ST3GAL5: variants seen among roughly 807,000 people sequenced by gnomAD.
ST3GAL5 encodes ST3 beta-galactoside alpha-2,3-sialyltransferase 5, also known as lactosylceramide alpha-2,3-sialyltransferase.
Under a neutral mutation model 46.1 loss-of-function variants are expected in ST3GAL5, and 25 were observed. That is an observed-to-expected ratio of 0.54 (90% confidence interval 0.40 to 0.76). The LOEUF (loss-of-function observed/expected upper bound fraction) is 0.76, where lower values mean the gene tolerates loss of function less well. Ranked by LOEUF, ST3GAL5 falls within the 30% of genes least tolerant of loss-of-function variation. The pLI, the probability that ST3GAL5 is intolerant of heterozygous loss-of-function variation, is 0.00. For missense variants in ST3GAL5, 431 were observed against 521.2 expected, an observed-to-expected ratio of 0.83 and a Z score of 1.69; for synonymous variants, 182 against 192.7, an observed-to-expected ratio of 0.94 and a Z score of 0.46.
rs147863107 is a variant in ST3GAL5 at position 85,869,152 on chromosome 2, C to T, written c.83-5667G>A. Among the ~76,000 whole-genome samples, 25 of 152,282 alleles carry T rather than the reference C, an allele frequency of 1.6e-4. No individual in the cohort carries two copies. In the East Asian group the frequency reaches 4.3e-3, roughly 26 times the overall value. On this transcript the variant is annotated intron_variant, in intron 1 of 6. Transcript: ENST00000638572. ...GCACCTTCAAACTCCTGGGCTCAAGCGATACTCCCACTTTGGTCTTCTCAG... is the reference window on the plus strand; with the variant it reads ...GCACCTTCAAACTCCTGGGCTCAAGTGATACTCCCACTTTGGTCTTCTCAG...
Position 85,888,839 on chromosome 2 carries a change from C to T in ST3GAL5, c.67G>A (p.Ala23Thr). The part of the protein sequence containing the change: ...PLQPRTEAAA[A>T]PAGRAMPSEY... ...CGCCACGTACCTCGGCCGGCAGGTG[C>T]CGCCGCTGCCTCGGTCCGCGGCTGC... Residue 23 changes from alanine to threonine, a missense_variant, in exon 1 of 7, where the codon GCA (alanine) becomes ACA (threonine). By Grantham distance (58) the Ala-to-Thr change is moderately conservative (BLOSUM62 0). Transcript: ENST00000638572. 7.8e-7 allele frequency: 1 copy of T among 1,290,312 alleles called. No homozygotes were observed. Among genetic ancestry groups the T allele is most frequent in the Non-Finnish European group, 9.8e-7 (1 of 1,017,240 alleles). The allele number at this position is 1,290,312 out of a possible 1,614,324, so 79.9% of individuals were successfully genotyped here. A position where few individuals can be genotyped will look rare whatever the true frequency, so the allele number is the denominator to read the frequency against.
chr2:85,843,795 T>C (rs1682434168), intron 6 of ST3GAL5, among the ~76,000 whole-genome samples: 1 of 152,216 alleles, frequency 6.6e-6, no homozygotes, highest in South Asian at 2.1e-4. Context: ...ATAAACAGCC[T>C]AGAGCACAAA....
intron 5 of ST3GAL5, 130 bp downstream of exon 5, chr2:85,846,247 A>G (rs1682783861): frequency 3.6e-6 from 3 of 843,868 alleles, no homozygotes; most frequent in Non-Finnish European, 1.9e-6. Context: ...GAGAGTGATC[A>G]TCATTTGAAA....
intron 1 of ST3GAL5, chr2:85,870,072 CA>C (rs1306609637): frequency 5.1e-6 from 2 of 394,744 alleles, no homozygotes; most frequent in African/African-American, 4.2e-5. Flanking sequence ...CCCTACTTAC[CA>C]AAATTGCTTA....
At chr2:85,860,287 T>TG (rs1177298275) in intron 3 of ST3GAL5, among the ~76,000 whole-genome samples, 1 of 152,244 alleles carries the variant, frequency 6.6e-6, no homozygotes, top group African/African-American at 2.4e-5. Context: ...ATCTGTAAGA[T>TG]GGAGATGATA....
chr2:85,847,335 A>AC (rs1208800344), intron 4 of ST3GAL5: 5 of 989,224 alleles, frequency 5.1e-6, no homozygotes, highest in Non-Finnish European at 6.0e-6. Context: ...ACTTGAATCT[A>AC]CCCACCTTCC....
intron 4 of ST3GAL5, among the ~76,000 whole-genome samples, chr2:85,847,085 C>T (rs557287613): frequency 5.9e-5 from 9 of 152,280 alleles, no homozygotes; most frequent in African/African-American, 1.4e-4. Context: ...TGAGCCACTG[C>T]GCCTGGCCAG....
In ST3GAL5 at chr2:85,857,793, C is replaced by G. The variant is rs748700255; in HGVS notation, c.318+3388G>C. 2.0e-5 allele frequency among the ~76,000 whole-genome samples: 3 copies of G among 152,070 alleles called. No individual in the cohort carries two copies. In the East Asian group the frequency reaches 5.8e-4, roughly 29 times the overall value. ...AATATATTAGATTCAAATTGTAGAA[C>G]ACGACTACTCCGGCCACAGTGGGGC... is the stretch of plus-strand genomic sequence containing the variant. On this transcript the variant is annotated intron_variant, in intron 3 of 6. Coordinates refer to ENST00000638572, the MANE Select transcript of ST3GAL5 (RefSeq NM_003896.4).
intron 1 of ST3GAL5, chr2:85,875,500 T>C (rs551970485): frequency 1.1e-4 from 17 of 152,288 alleles, no homozygotes; most frequent in African/African-American, 3.9e-4. Context: ...GGTGACAACA[T>C]TTCTATGGCT....
intron 1 of ST3GAL5, among the ~76,000 whole-genome samples, chr2:85,881,535 G>C (rs1687151137): frequency 6.6e-6 from 1 of 152,228 alleles, no homozygotes; most frequent in Admixed American, 6.5e-5. Flanking sequence ...CTCAGATGGA[G>C]ATGAGGAACT....
intron 1 of ST3GAL5, among the ~76,000 whole-genome samples, chr2:85,871,244 C>T (rs1685892966): frequency 6.6e-6 from 1 of 152,062 alleles, no homozygotes; most frequent in Admixed American, 6.6e-5. Flanking sequence ...CACTATGCTG[C>T]CAAGGCTCAT....
At chr2:85,861,105 G>A (rs1285169769) in intron 3 of ST3GAL5, 76 bp downstream of exon 3, 1 of 1,018,194 alleles carries the variant, frequency 9.8e-7, no homozygotes, top group Non-Finnish European at 1.6e-6. Context: ...TTGTCACACA[G>A]TAGACTAATG....
intron 6 of ST3GAL5, among the ~76,000 whole-genome samples, chr2:85,841,755 C>T (rs894806985): frequency 1.3e-5 from 2 of 152,168 alleles, no homozygotes; most frequent in Non-Finnish European, 2.9e-5. Context: ...ATGGTGTCCC[C>T]ACTCCCTCCT....
intron 1 of ST3GAL5, among the ~76,000 whole-genome samples, chr2:85,875,814 C>T (rs768724719): frequency 6.6e-5 from 10 of 151,988 alleles, no homozygotes; most frequent in African/African-American, 9.7e-5. Context: ...TTCTGTTTCC[C>T]GGGGCTAGGG....
chr2:85,866,124 C>T (rs955556026), intron 1 of ST3GAL5: 1 of 152,268 alleles, frequency 6.6e-6, no homozygotes, highest in Non-Finnish European at 1.5e-5. Flanking sequence ...AAATCCATCT[C>T]TCTAATGTGG....
intron 1 of ST3GAL5, among the ~76,000 whole-genome samples, chr2:85,886,716 C>A (rs1027633251): frequency 2.0e-5 from 3 of 152,128 alleles, no homozygotes; most frequent in African/African-American, 7.2e-5. Context: ...CTGCGTGTCA[C>A]CGTCATATTT....
At position 85,837,540 on chromosome 2, in the gene ST3GAL5, C is replaced by A. The variant is rs908180749; in HGVS notation, c.*2604G>T. ...AGGTCAGTAGAATGCCTATAGTTTA[C>A]AATAATTTACTGTGTATTTCAAAAT... On this transcript the variant is annotated 3_prime_UTR_variant, in exon 7 of 7. Transcript: ENST00000638572. The A allele has an allele frequency of 3.3e-5, 5 of 152,142 alleles. No homozygotes were observed. The highest frequency in any genetic ancestry group is 1.3e-4 in the Admixed American group (2 of 15,282). The allele number at this position is 152,142 out of a possible 1,614,324, so 9.4% of individuals were successfully genotyped here.
chr2:85,874,108 A>G (rs1686258032), intron 1 of ST3GAL5, among the ~76,000 whole-genome samples: 1 of 152,238 alleles, frequency 6.6e-6, no homozygotes, highest in South Asian at 2.1e-4. Flanking sequence ...TGAACGCACA[A>G]TCAATACTGT....
intron 3 of ST3GAL5, chr2:85,854,363 C>T (rs150006797): frequency 6.6e-6 from 1 of 152,500 alleles, no homozygotes; most frequent in Non-Finnish European, 1.5e-5. Flanking sequence ...GGTCAGGAGT[C>T]CTCACTGAAG....
Sources: allele counts gnomAD v4.1 joint callset (sites outside exome capture counted in the v4.1 genomes callset), GRCh38; gene constraint gnomAD v4.1.1; transcripts MANE v1.5; gene names NCBI Gene and HGNC (gene_info 2026-07-23, HGNC 2026-07-21).